ABCA13: variants seen among roughly 807,000 people sequenced by gnomAD.
ABCA13 encodes the protein ATP binding cassette subfamily A member 13.
Under a neutral mutation model 478.7 loss-of-function variants are expected in ABCA13, and 476 were observed. That is an observed-to-expected ratio of 0.99 (90% confidence interval 0.92 to 1.07). The LOEUF is 1.07. Ranked by LOEUF, ABCA13 falls within the 50% of genes least tolerant of loss-of-function variation. ABCA13 has a pLI of 0.00. For missense variants in ABCA13, 6,060 were observed against 5,910.6 expected, an observed-to-expected ratio of 1.03 and a Z score of -0.83; for synonymous variants, 2,252 against 2,158.9, an observed-to-expected ratio of 1.04 and a Z score of -1.20.
At chr7:48,252,271 C>T (rs1009726547) in intron 15 of ABCA13, among the ~76,000 whole-genome samples, 22 of 151,928 alleles carry the variant, frequency 1.4e-4, no homozygotes, top group Non-Finnish European at 1.3e-4. Context: ...CTTTCTTTTG[C>T]CTGAATTTCT....
chr7:48,436,078 A>G (rs1240603359), intron 42 of ABCA13, among the ~76,000 whole-genome samples: 1 of 151,354 alleles, frequency 6.6e-6, no homozygotes, highest in East Asian at 1.9e-4. Context: ...AATTTTTTCA[A>G]AGAGTTCTAG....
Position 48,273,486 on chromosome 7 carries a change from G to GAAA in ABCA13, c.3821_3823dup (p.Glu1274_Ser1275insLys), listed in dbSNP as rs1279121372. 1.2e-6 allele frequency: 2 copies of GAAA among 1,604,068 alleles called. No individual in the cohort carries two copies. Among genetic ancestry groups the GAAA allele is most frequent in the African/African-American group, 2.7e-5 (2 of 74,910 alleles). Reference sequence around the variant, plus strand: ...TCAGTTGAAGACATTTCCATTCAACGAAAGTACAAGCAGAGAGTTTTTAAA... The same window carrying GAAA: ...TCAGTTGAAGACATTTCCATTCAACGAAAAAAGTACAAGCAGAGAGTTTTTAAA... On this transcript the variant is annotated inframe_insertion, in exon 17 of 62. Coordinates refer to ENST00000435803, the MANE Select transcript of ABCA13 (RefSeq NM_152701.5).
chr7:48,249,477 A>C, intron 15 of ABCA13, 126 bp downstream of exon 15: 1 of 1,241,974 alleles, frequency 8.1e-7, no homozygotes, highest in Non-Finnish European at 1.1e-6. Context: ...TCCAAGCACA[A>C]TTTGGCATTG....
chr7:48,369,562 T>C lies in ABCA13; in HGVS notation c.10803+1654T>C, dbSNP rs539970640. 9.7e-4 allele frequency among the ~76,000 whole-genome samples: 147 copies of C among 152,270 alleles called. 3 individuals carry two copies. The South Asian group carries it at 0.03, about 31-fold the overall frequency. ...AGTCTTTTATCCACCTTGAGTTGAT[T>C]TTTGTATAAGGTGAGAGATGAGGAT... is the stretch of plus-strand genomic sequence containing the variant. On this transcript the variant is annotated intron_variant, in intron 32 of 61. Transcript: ENST00000435803.
chr7:48,402,358 T>C (rs1036581434), intron 38 of ABCA13, among the ~76,000 whole-genome samples: 10 of 152,210 alleles, frequency 6.6e-5, no homozygotes, highest in Non-Finnish European at 1.0e-4. Context: ...CGACCTCCTC[T>C]GCTAGATTGG....
At position 48,276,293 on chromosome 7, in the gene ABCA13, A is replaced by G. The variant is rs777917553; in HGVS notation, c.6627A>G (p.Leu2209=). 6.4e-7 allele frequency: 1 copy of G among 1,560,226 alleles called. No homozygotes were observed. Among genetic ancestry groups the G allele is most frequent in the Non-Finnish European group, 8.7e-7 (1 of 1,151,574 alleles). The change falls in exon 17 of 62, where the codon CTA becomes CTG. Residue 2209 remains leucine (L), a synonymous_variant. Coordinates refer to ENST00000435803, the MANE Select transcript of ABCA13 (RefSeq NM_152701.5). ...SVVQLLFENI[L]INLINNLAGN... ...TTCAGCTGCTTTTTGAAAACATCCTAATTAATTTGATCAATAACTTAGCTG... is the reference window on the plus strand; with the variant it reads ...TTCAGCTGCTTTTTGAAAACATCCTGATTAATTTGATCAATAACTTAGCTG...
At chr7:48,342,480 A>G (rs1807391978) in intron 29 of ABCA13, among the ~76,000 whole-genome samples, 1 of 152,046 alleles carries the variant, frequency 6.6e-6, no homozygotes, top group African/African-American at 2.4e-5. Flanking sequence ...TTTGTATTTA[A>G]ATTATCTTCC....
chr7:48,273,138 T>G lies in ABCA13; in HGVS notation c.3472T>G (p.Trp1158Gly). ...VSWLQMWTEI[W>G]ETISQLFKFD... Reference sequence around the variant, plus strand: ...ATGGCTTCAAATGTGGACTGAAATCTGGGAAACCATATCTCAATTATTTAA... The same window carrying G: ...ATGGCTTCAAATGTGGACTGAAATCGGGGAAACCATATCTCAATTATTTAA... The change falls in exon 17 of 62, where the codon TGG (tryptophan) becomes GGG (glycine). Residue 1158 changes from tryptophan (W) to glycine (G), a missense_variant. Physicochemically the swap from Trp to Gly is radical, Grantham distance 184. This residue lies in a region of ABCA13 where 4,423 missense variants were observed against 4,309.1 expected (regional missense o/e 1.03). Transcript: ENST00000435803. The G allele has an allele frequency of 6.2e-7, 1 of 1,613,752 alleles. No homozygotes were observed. Among genetic ancestry groups the G allele is most frequent in the Non-Finnish European group, 8.5e-7 (1 of 1,179,770 alleles).
chr7:48,485,935 A>G (rs2130623178), intron 47 of ABCA13, among the ~76,000 whole-genome samples: 1 of 152,302 alleles, frequency 6.6e-6, no homozygotes, highest in South Asian at 2.1e-4. Flanking sequence ...GCTATGTGTG[A>G]AGATACTTTA....
intron 3 of ABCA13, among the ~76,000 whole-genome samples, chr7:48,204,183 G>T (rs1784607088): frequency 6.7e-6 from 1 of 149,660 alleles, no homozygotes; most frequent in Admixed American, 6.6e-5. Context: ...TGAGATCTCG[G>T]CTCACCCCAA....
At chr7:48,552,643 A>G (rs911317463) in intron 55 of ABCA13, among the ~76,000 whole-genome samples, 5 of 149,748 alleles carry the variant, frequency 3.3e-5, no homozygotes, top group Non-Finnish European at 7.4e-5. Flanking sequence ...AATTGTATAT[A>G]TTTACGGGGT....
chr7:48,387,753 A>C, intron 35 of ABCA13, 69 bp from the exon 36 acceptor site: 1 of 1,216,732 alleles, frequency 8.2e-7, no homozygotes, highest in Non-Finnish European at 1.1e-6. Context: ...TTAATTACTT[A>C]AGATATTCTA....
rs1310575807 is a variant in ABCA13 at position 48,222,732 on chromosome 7, A to G, written c.468+1423A>G. Among the ~76,000 whole-genome samples the G allele has an allele frequency of 2.6e-5, 4 of 152,186 alleles. No homozygotes were observed. The East Asian group carries it at 7.7e-4, about 29-fold the overall frequency. ...AGATTTGTTACAATGAAAGAGTTCT[A>G]TGTTGCTTTTTTATTATAGAATTCT... On this transcript the variant is annotated intron_variant, in intron 5 of 61. Coordinates refer to ENST00000435803, the MANE Select transcript of ABCA13 (RefSeq NM_152701.5).
intron 1 of ABCA13, among the ~76,000 whole-genome samples, chr7:48,188,517 G>C (rs1796655767): frequency 6.6e-6 from 1 of 152,114 alleles, no homozygotes. Context: ...CTGAGTTGGG[G>C]TTGAAGTATG....
chr7:48,330,396 AATCT>A (rs1400969761), intron 27 of ABCA13, among the ~76,000 whole-genome samples: 7 of 111,902 alleles, frequency 6.3e-5, no homozygotes, highest in East Asian at 2.8e-4. Flanking sequence ...CATCCATCCA[AATCT>A]ATCTATCCAT....
In ABCA13 at chr7:48,300,597, C is replaced by A. The variant is rs142976114; in HGVS notation, c.9321+2110C>A. On this transcript the variant is annotated intron_variant, in intron 23 of 61. Transcript: ENST00000435803. ...CTATATGAGAGTCACAGAGCTGGGG[C>A]ATTTCTGTCAAAAGACCAGAGACAG... Among the ~76,000 whole-genome samples the A allele has an allele frequency of 1.1e-4, 17 of 152,290 alleles. No homozygotes were observed. The East Asian group carries it at 3.3e-3, about 29-fold the overall frequency.
At chr7:48,366,701 T>C (rs1406174985) in intron 31 of ABCA13, among the ~76,000 whole-genome samples, 8 of 152,068 alleles carry the variant, frequency 5.3e-5, no homozygotes, top group Admixed American at 5.2e-4. Context: ...AATCTATCAA[T>C]CCAGTATCCT....
intron 19 of ABCA13, among the ~76,000 whole-genome samples, chr7:48,287,448 T>C (rs1433507255): frequency 1.3e-5 from 2 of 152,154 alleles, no homozygotes; most frequent in Non-Finnish European, 2.9e-5. Flanking sequence ...GAGGTCATGC[T>C]GAGCAGATGG....
At chr7:48,357,146 T>A (rs938256969) in intron 31 of ABCA13, among the ~76,000 whole-genome samples, 13 of 151,928 alleles carry the variant, frequency 8.6e-5, no homozygotes, top group Admixed American at 3.3e-4. Flanking sequence ...CAGCCACTCA[T>A]GCTTGAAATG....
Sources: gnomAD v4.1 joint callset for allele counts (sites outside exome capture counted in the v4.1 genomes callset) on GRCh38, gnomAD v4.1.1 for gene constraint, gnomAD v4.1.1 regional missense constraint, MANE v1.5 for transcripts, NCBI Gene and HGNC (gene_info 2026-07-23, HGNC 2026-07-21) for gene names.